Variants in DTL observed in about 807,000 individuals in gnomAD.
The protein encoded by DTL is denticleless protein homolog.
A neutral mutation model predicts 87.0 loss-of-function variants in DTL; 46 were observed. The ratio of observed to expected loss-of-function variants is 0.53; its 90% CI spans 0.42 to 0.68. DTL has a LOEUF of 0.68. DTL is among the 30% of genes least tolerant of loss of function. The pLI is 0.00. For synonymous variants in DTL, 308 were observed against 311.2 expected, an observed-to-expected ratio of 0.99 and a Z score of 0.11; for missense variants, 737 against 869.4, an observed-to-expected ratio of 0.85 and a Z score of 1.91.
rs141327317 is a variant in DTL at position 212,102,888 on chromosome 1, A to G, written c.2141A>G (p.His714Arg). 1.4e-5 allele frequency: 23 copies of G among 1,613,106 alleles called. No homozygotes were observed. In the Middle Eastern group the frequency reaches 8.3e-4, roughly 58 times the overall value. The stretch of plus-strand genomic sequence containing the variant: ...ATGAGGAAAATCTGCACATACTTCC[A>G]TAGAAAGTCCCAGGAGGACTTCTGT... ...SSMRKICTYF[H>R]RKSQEDFCGP... Residue 714 changes from histidine to arginine, a missense_variant, in exon 15 of 15, where the codon CAT becomes CGT. His to Arg is a conservative substitution (Grantham distance 29, BLOSUM62 0). Coordinates refer to ENST00000366991, the MANE Select transcript of DTL (RefSeq NM_016448.4).
At chr1:212,044,172 C>T (rs1348728609) in intron 2 of DTL, among the ~76,000 whole-genome samples, 1 of 152,158 alleles carries the variant, frequency 6.6e-6, no homozygotes, top group Non-Finnish European at 1.5e-5. Context: ...ATAGACTCAG[C>T]CTGCTGGCAG....
chr1:212,042,094 A>G (rs1404265322), intron 1 of DTL, among the ~76,000 whole-genome samples: 1 of 152,190 alleles, frequency 6.6e-6, no homozygotes, highest in Non-Finnish European at 1.5e-5. Context: ...ATAGATTGTA[A>G]ACTCAGTGTT....
chr1:212,092,689 C>G (rs372900543), intron 13 of DTL, among the ~76,000 whole-genome samples: 3 of 152,318 alleles, frequency 2.0e-5, no homozygotes, highest in South Asian at 4.1e-4. Context: ...TGGGCTGGTT[C>G]CACATTTTTG....
rs1306920381 is a variant in DTL at position 212,103,830 on chromosome 1, G to A, written c.*890G>A. On this transcript the variant is annotated 3_prime_UTR_variant, in exon 15 of 15. Coordinates refer to ENST00000366991, the MANE Select transcript of DTL (RefSeq NM_016448.4). ...GGCTGCAATGTTTTAAAAAAAATAA[G>A]TCATCAGATTTTAAGAAAAAAGTGA... The A allele has an allele frequency of 1.3e-5, 2 of 152,066 alleles. No homozygotes were observed. Among genetic ancestry groups the A allele is most frequent in the Admixed American group, 6.6e-5 (1 of 15,262 alleles). The allele number at this position is 152,066 out of a possible 1,614,324, so 9.4% of individuals were successfully genotyped here.
chr1:212,089,712 CCT>C (rs755806896), intron 13 of DTL, among the ~76,000 whole-genome samples: 2 of 152,208 alleles, frequency 1.3e-5, no homozygotes, highest in Non-Finnish European at 2.9e-5. Context: ...TGGACCACTT[CCT>C]CTTTCACCAT....
At position 212,040,930 on chromosome 1, in the gene DTL, T is replaced by C. The variant is rs147753844; in HGVS notation, c.53-2063T>C. Among the ~76,000 whole-genome samples the C allele has an allele frequency of 5.4e-3, 822 of 152,336 alleles. 4 individuals carry two copies. The highest frequency in any genetic ancestry group is 0.019 in the African/African-American group (779 of 41,566). ...AATAGTTTCAGACCGTTGTTGACTA[T>C]AGGCAACTGAAACCACAAAAAGCGA... On this transcript the variant is annotated intron_variant, in intron 1 of 14. Transcript: ENST00000366991.
rs1240845180 is a variant in DTL, at chr1:212,068,299, G to T, written c.789G>T (p.Leu263=). 2 of 1,610,576 alleles carry T rather than the reference G, an allele frequency of 1.2e-6. No individual in the cohort carries two copies. Among genetic ancestry groups the T allele is most frequent in the Admixed American group, 3.4e-5 (2 of 59,248 alleles). ...AACCCATAGCATCCAAGTCTTTCCT[G>T]TACCCAGGTAGCAGCACTCGAAAAC... ...RQEPIASKSF[L]YPGSSTRKLG... Residue 263 remains leucine, a synonymous_variant, in exon 9 of 15, where the codon CTG becomes CTT. Transcript: ENST00000366991.
In DTL at chr1:212,102,880, A is replaced by G. The variant is rs1571990090; in HGVS notation, c.2133A>G (p.Thr711=). 6.2e-7 allele frequency: 1 copy of G among 1,612,960 alleles called. No homozygotes were observed. Among genetic ancestry groups the G allele is most frequent in the Non-Finnish European group, 8.5e-7 (1 of 1,179,248 alleles). The stretch of plus-strand genomic sequence containing the variant: ...CCAGCTCCATGAGGAAAATCTGCAC[A>G]TACTTCCATAGAAAGTCCCAGGAGG... ...ITPSSMRKIC[T]YFHRKSQEDF... Residue 711 remains threonine, a synonymous_variant, in exon 15 of 15, where the codon ACA becomes ACG. Coordinates refer to ENST00000366991, the MANE Select transcript of DTL (RefSeq NM_016448.4).
chr1:212,044,671 G>A lies in DTL; in HGVS notation c.190G>A (p.Glu64Lys). ...TATTTCTGCTTTAGCTCCCAATATG[G>A]AACATGTACTAGCAGTTGCCAATGA... ...GCTFSSAPNM[E>K]HVLAVANEEG... is the part of the protein sequence containing the mutation. The change falls in exon 3 of 15, where the codon GAA (glutamate) becomes AAA (lysine). Residue 64 changes from glutamate (E) to lysine (K), a missense_variant. Glu to Lys is a moderately conservative substitution (Grantham distance 56). Transcript: ENST00000366991. 6.2e-7 allele frequency: 1 copy of A among 1,604,018 alleles called. No individual in the cohort carries two copies. Among genetic ancestry groups the A allele is most frequent in the Non-Finnish European group, 8.5e-7 (1 of 1,173,564 alleles).
At chr1:212,066,760 G>T in intron 7 of DTL, 52 bp from the exon 8 acceptor site, 4 of 1,565,672 alleles carry the variant, frequency 2.6e-6, no homozygotes, top group Non-Finnish European at 3.5e-6. Flanking sequence ...TCCCTTGATG[G>T]TAAAGATTAT....
intron 13 of DTL, among the ~76,000 whole-genome samples, chr1:212,096,519 C>G (rs921705159): frequency 2.0e-5 from 3 of 152,206 alleles, no homozygotes; most frequent in Non-Finnish European, 4.4e-5. Context: ...ATGCTGTGAA[C>G]TTTCCTCTTA....
intron 13 of DTL, among the ~76,000 whole-genome samples, chr1:212,095,128 T>C (rs1460056192): frequency 6.6e-6 from 1 of 152,160 alleles, no homozygotes; most frequent in Non-Finnish European, 1.5e-5. Flanking sequence ...TCCACTACTA[T>C]GTTGAATAGA....
At chr1:212,084,271 C>T (rs550105411) in intron 13 of DTL, among the ~76,000 whole-genome samples, 1 of 150,412 alleles carries the variant, frequency 6.6e-6, no homozygotes, top group South Asian at 2.1e-4. Flanking sequence ...GGCATGATCT[C>T]AGCTCACTTA....
At chr1:212,036,113 C>T (rs1188871506) in intron 1 of DTL, among the ~76,000 whole-genome samples, 171 bp downstream of exon 1, 2 of 152,148 alleles carry the variant, frequency 1.3e-5, no homozygotes, top group African/African-American at 2.4e-5. Context: ...TACTTTCATC[C>T]CCTCGGGACA....
chr1:212,085,544 T>C (rs767940564), intron 13 of DTL, among the ~76,000 whole-genome samples: 13 of 152,256 alleles, frequency 8.5e-5, no homozygotes, highest in South Asian at 6.2e-4. Flanking sequence ...ATTCTGGACA[T>C]AAGTCCCTTA....
Position 212,102,907 on chromosome 1 carries a change from C to T in DTL, c.2160C>T (p.Asp720=), listed in dbSNP as rs775060613. ...CTYFHRKSQE[D]FCGPEHSTEL is the part of the protein sequence containing the mutation. ...ACTTCCATAGAAAGTCCCAGGAGGA[C>T]TTCTGTGGTCCTGAACACTCAACAG... Residue 720 remains aspartate, a synonymous_variant, in exon 15 of 15, where the codon GAC becomes GAT. Coordinates refer to ENST00000366991, the MANE Select transcript of DTL (RefSeq NM_016448.4). 3 of 1,611,550 alleles carry T rather than the reference C, an allele frequency of 1.9e-6. No homozygotes were observed. Among genetic ancestry groups the T allele is most frequent in the Non-Finnish European group, 2.5e-6 (3 of 1,177,902 alleles).
At position 212,039,633 on chromosome 1, in the gene DTL, G is replaced by A. The variant is rs542717391; in HGVS notation, c.53-3360G>A. 1.4e-4 allele frequency among the ~76,000 whole-genome samples: 22 copies of A among 152,218 alleles called. No individual in the cohort carries two copies. In the South Asian group the frequency reaches 4.6e-3, roughly 32 times the overall value. On this transcript the variant is annotated intron_variant, in intron 1 of 14. Transcript: ENST00000366991. The stretch of plus-strand genomic sequence containing the variant: ...TGCATCATTAGGTGATTTTATCATT[G>A]TGCAAACATCACAGAGTATAAACAC...
chr1:212,061,676 TGTA>T (rs1654320664), intron 5 of DTL, among the ~76,000 whole-genome samples: 1 of 152,194 alleles, frequency 6.6e-6, no homozygotes, highest in Non-Finnish European at 1.5e-5. Flanking sequence ...TTTTTAAAAA[TGTA>T]GTATATACAC....
Position 212,080,663 on chromosome 1 carries a change from A to G in DTL, c.1174A>G (p.Arg392Gly). 6.2e-7 allele frequency: 1 copy of G among 1,613,702 alleles called. No homozygotes were observed. Among genetic ancestry groups the G allele is most frequent in the Non-Finnish European group, 8.5e-7 (1 of 1,179,646 alleles). Residue 392 changes from arginine to glycine, a missense_variant, in exon 13 of 15, where the codon AGA becomes GGA. Physicochemically the swap from Arg to Gly is moderately radical, Grantham distance 125 (BLOSUM62 -2). Coordinates refer to ENST00000366991, the MANE Select transcript of DTL (RefSeq NM_016448.4). ...TACACTAAAAATCTGGCGCTTGAAT[A>G]GAGGCTTAGAGGAGAAACCAGGAGG... ...DNTLKIWRLN[R>G]GLEEKPGGDK...
Sources: gnomAD v4.1 joint callset for allele counts (sites outside exome capture counted in the v4.1 genomes callset) on GRCh38, gnomAD v4.1.1 for gene constraint, MANE v1.5 for transcripts, NCBI Gene and HGNC (gene_info 2026-07-23, HGNC 2026-07-21) for gene names.